The following ATP8A2 variants were observed in gnomAD, a reference collection of about 807,000 sequenced individuals.
ATP8A2 encodes the protein ATPase phospholipid transporting 8A2, also known as phospholipid-transporting ATPase IB.
In ATP8A2, 100 loss-of-function variants were observed where a neutral mutation model predicts 165.6. The ratio of observed to expected loss-of-function variants is 0.60; its 90% CI spans 0.51 to 0.71. The LOEUF is 0.71. Ranked by LOEUF, ATP8A2 falls within the 30% of genes least tolerant of loss-of-function variation. The pLI is 0.00. For missense variants in ATP8A2, 1,227 were observed against 1,479.5 expected (o/e 0.83, Z 2.80); for synonymous variants, 543 against 548.8 (o/e 0.99, Z 0.15).
chr13:25,659,225 A>G (rs1165007566), intron 24 of ATP8A2, among the ~76,000 whole-genome samples: 1 of 152,194 alleles, frequency 6.6e-6, no homozygotes, highest in Non-Finnish European at 1.5e-5. Flanking sequence ...TTTGAAATCT[A>G]TTTAGAAAAA....
chr13:25,630,085 C>CCCA (rs1555233743), intron 24 of ATP8A2, among the ~76,000 whole-genome samples: 2,268 of 151,586 alleles, frequency 0.015, 60 homozygotes, highest in African/African-American at 0.051. Flanking sequence ...TTGTCCCCCC[C>CCCA]CCACCACCAA....
At chr13:25,926,476 A>C (rs1295490186) in intron 33 of ATP8A2, among the ~76,000 whole-genome samples, 1 of 152,196 alleles carries the variant, frequency 6.6e-6, no homozygotes, top group Non-Finnish European at 1.5e-5. Flanking sequence ...TTTCCAATAC[A>C]TGGACGGGGA....
chr13:25,417,470 G>T (rs1298518422), intron 1 of ATP8A2, among the ~76,000 whole-genome samples: 1 of 82,554 alleles, frequency 1.2e-5, no homozygotes, highest in African/African-American at 4.6e-5. Flanking sequence ...CAACCTGTAA[G>T]TCTATTCATT....
intron 24 of ATP8A2, among the ~76,000 whole-genome samples, chr13:25,680,695 C>T (rs968417399): frequency 1.3e-5 from 2 of 152,158 alleles, no homozygotes; most frequent in African/African-American, 4.8e-5. Flanking sequence ...TAGCTAACTG[C>T]TCTTGTCATC....
intron 18 of ATP8A2, among the ~76,000 whole-genome samples, chr13:25,572,840 A>G (rs954161884): frequency 6.6e-6 from 1 of 152,314 alleles, no homozygotes; most frequent in African/African-American, 2.4e-5. Context: ...TCACTTCCAA[A>G]TGGTATAATA....
intron 1 of ATP8A2, among the ~76,000 whole-genome samples, chr13:25,408,080 A>AAT (rs1555266224): frequency 5.9e-5 from 9 of 151,448 alleles, no homozygotes; most frequent in South Asian, 2.1e-4. Flanking sequence ...AAAGTAAAAA[A>AAT]ATATATATAT....
intron 1 of ATP8A2, among the ~76,000 whole-genome samples, chr13:25,395,500 A>G (rs1001065312): frequency 6.6e-6 from 1 of 152,180 alleles, no homozygotes; most frequent in African/African-American, 2.4e-5. Context: ...GAGCCTTCAG[A>G]ATAAAGACCA....
rs2274135 is a variant in ATP8A2 at position 26,012,637 on chromosome 13, C to T, written c.3469+15C>T. 0.53 allele frequency: 762,996 copies of T among 1,428,394 alleles called. 202,337 individuals are homozygous for T. The highest frequency in any genetic ancestry group is 0.74 in the East Asian group (24,000 of 32,438). 88.5% of individuals were successfully genotyped at this position (1,428,394 alleles called of 1,614,324 possible). On this transcript the variant is annotated intron_variant, in intron 36 of 36. Coordinates refer to ENST00000381655, the MANE Select transcript of ATP8A2 (RefSeq NM_016529.6). ...GGGCGTCCCGCGTGAGTACCGCGGG[C>T]GGGGGCTGATGGAGGAGTGGGTGTC...
intron 15 of ATP8A2, among the ~76,000 whole-genome samples, chr13:25,561,558 A>G (rs1414640621): frequency 2.7e-5 from 4 of 150,830 alleles, no homozygotes; most frequent in African/African-American, 7.3e-5. Flanking sequence ...TTTATTTTCT[A>G]TAGGCTTTCT....
At chr13:25,882,664 C>T (rs181658740) in intron 33 of ATP8A2, among the ~76,000 whole-genome samples, 98 of 152,318 alleles carry the variant, frequency 6.4e-4, no homozygotes, top group Non-Finnish European at 1.1e-3. Flanking sequence ...CCCCATGCGG[C>T]ATGCTGGGCA....
At chr13:25,949,923 C>A (rs1349907790) in intron 33 of ATP8A2, among the ~76,000 whole-genome samples, 1 of 152,168 alleles carries the variant, frequency 6.6e-6, no homozygotes, top group African/African-American at 2.4e-5. Context: ...CCTCAGCCCC[C>A]CAGATAGCTG....
chr13:25,625,986 C>T (rs2041090602), intron 24 of ATP8A2, among the ~76,000 whole-genome samples: 1 of 152,074 alleles, frequency 6.6e-6, no homozygotes, highest in Admixed American at 6.6e-5. Flanking sequence ...TCTTAGCCAT[C>T]TGATGTTTCA....
chr13:25,750,115 T>C lies in ATP8A2; in HGVS notation c.2385-18931T>C, dbSNP rs1267973187. Among the ~76,000 whole-genome samples, 1 of 152,176 alleles carries C rather than the reference T, an allele frequency of 6.6e-6. No individual in the cohort carries two copies. The highest frequency in any genetic ancestry group is 2.4e-5 in the African/African-American group (1 of 41,444). Reference sequence around the variant, plus strand: ...TTTAGAAATCATCTGATTGTCTCAATATTTATTTACTTATTTGTGTCCCTC... The same window carrying C: ...TTTAGAAATCATCTGATTGTCTCAACATTTATTTACTTATTTGTGTCCCTC... On this transcript the variant is annotated intron_variant, in intron 25 of 36. Transcript: ENST00000381655. The surrounding 1 kb of genome is among the most constrained non-coding windows in gnomAD (Gnocchi z 4.3).
chr13:25,469,180 C>A, intron 2 of ATP8A2, 59 bp downstream of exon 2: 1 of 1,580,584 alleles, frequency 6.3e-7, no homozygotes. Context: ...GGAAGGGGCT[C>A]GTCCTCCTGC....
At chr13:25,996,577 T>C (rs113292691) in intron 35 of ATP8A2, among the ~76,000 whole-genome samples, 1 of 152,212 alleles carries the variant, frequency 6.6e-6, no homozygotes, top group Non-Finnish European at 1.5e-5. Flanking sequence ...CAGGCTAGAG[T>C]GTGGCGGTGT....
intron 27 of ATP8A2, among the ~76,000 whole-genome samples, chr13:25,783,893 C>T (rs2044952556): frequency 6.6e-6 from 1 of 152,124 alleles, no homozygotes; most frequent in Non-Finnish European, 1.5e-5. Context: ...GGAATGTTCT[C>T]TGAAAGGCCA....
chr13:25,414,562 A>T (rs1168151391), intron 1 of ATP8A2, among the ~76,000 whole-genome samples: 2 of 152,214 alleles, frequency 1.3e-5, no homozygotes, highest in African/African-American at 4.8e-5. Context: ...ATTTTAGGAG[A>T]TTAAGTTGGC....
chr13:25,781,775 G>A (rs895826248), intron 27 of ATP8A2, among the ~76,000 whole-genome samples: 9 of 152,202 alleles, frequency 5.9e-5, no homozygotes, highest in East Asian at 3.9e-4. Flanking sequence ...TACTACAGGC[G>A]TGACCCCTTT....
chr13:25,445,172 T>C (rs1005777144), intron 1 of ATP8A2, among the ~76,000 whole-genome samples: 2 of 152,262 alleles, frequency 1.3e-5, no homozygotes, highest in African/African-American at 4.8e-5. Flanking sequence ...TGAAGTCAAA[T>C]GTATCACATT....
Sources: allele counts gnomAD v4.1 joint callset (sites outside exome capture counted in the v4.1 genomes callset), GRCh38; gene constraint gnomAD v4.1.1; non-coding constraint Gnocchi (gnomAD v3.1); transcripts MANE v1.5; gene names NCBI Gene and HGNC (gene_info 2026-07-23, HGNC 2026-07-21).